COL19A1: variants seen among roughly 807,000 people sequenced by gnomAD.
COL19A1 encodes the protein collagen type XIX alpha 1 chain.
In COL19A1, 159 loss-of-function variants were observed where a neutral mutation model predicts 190.2. The ratio of observed to expected loss-of-function variants is 0.84; its 90% confidence interval spans 0.73 to 0.95. The LOEUF is 0.95. Among genes scored for constraint, COL19A1 ranks in the 40% least tolerant of loss-of-function variants. The probability of loss-of-function intolerance (pLI) is 0.00; values close to 1 mark genes in which losing one functional copy is unlikely to be tolerated. For missense variants in COL19A1, 1,418 were observed against 1,431.9 expected (o/e 0.99, Z 0.16); for synonymous variants, 509 against 458.9 (o/e 1.11, Z -1.39).
intron 11 of COL19A1, among the ~76,000 whole-genome samples, chr6:69,994,455 T>C (rs1282715308): frequency 6.6e-6 from 1 of 152,148 alleles, no homozygotes; most frequent in African/African-American, 2.4e-5. Flanking sequence ...CCTATGACGC[T>C]TGTGGAGAAT....
At chr6:70,172,424 G>A (rs908778904) in intron 41 of COL19A1, among the ~76,000 whole-genome samples, 3 of 152,056 alleles carry the variant, frequency 2.0e-5, no homozygotes, top group Non-Finnish European at 4.4e-5. Context: ...TGTATCCAAA[G>A]AGACCAGGGG....
intron 2 of COL19A1, among the ~76,000 whole-genome samples, chr6:69,885,754 T>A (rs1341223163): frequency 6.6e-6 from 1 of 152,256 alleles, no homozygotes; most frequent in Non-Finnish European, 1.5e-5. Flanking sequence ...CTGGCTTATT[T>A]TACTTAGCAT....
chr6:69,929,504 T>A lies in COL19A1; in HGVS notation c.470T>A (p.Ile157Asn). The A allele has an allele frequency of 6.2e-7, 1 of 1,614,070 alleles. No individual in the cohort carries two copies. The highest frequency in any genetic ancestry group is 1.1e-5 in the South Asian group (1 of 91,090). ...QATEGDVLNY[I>N]FRNRELRPLF... ...ACAGAGGGAGATGTGTTGAACTACA[T>A]TTTTAGAAATCGAGAACTCCGTCCT... is the stretch of plus-strand genomic sequence containing the variant. Residue 157 changes from isoleucine to asparagine, a missense_variant, in exon 6 of 51, where the codon ATT (isoleucine) becomes AAT (asparagine). Physicochemically the swap from Ile to Asn is moderately radical, Grantham distance 149. Coordinates refer to ENST00000620364, the MANE Select transcript of COL19A1 (RefSeq NM_001858.6).
At chr6:70,142,724 T>TC (rs1339217895) in intron 22 of COL19A1, 43 bp from the exon 23 acceptor site, 3 of 1,556,680 alleles carry the variant, frequency 1.9e-6, no homozygotes, top group African/African-American at 2.8e-5. Context: ...TCTTTTTTTT[T>TC]CTTTTTTAGC....
At chr6:69,977,958 C>A (rs1050000402) in intron 11 of COL19A1, among the ~76,000 whole-genome samples, 1 of 152,082 alleles carries the variant, frequency 6.6e-6, no homozygotes, top group Non-Finnish European at 1.5e-5. Flanking sequence ...AAAAATTTTA[C>A]TGATCTAAAT....
At chr6:70,036,358 G>A (rs753279064) in intron 14 of COL19A1, among the ~76,000 whole-genome samples, 95 of 152,174 alleles carry the variant, frequency 6.2e-4, no homozygotes, top group Non-Finnish European at 9.7e-4. Context: ...TATTTAAACT[G>A]GTAATTACAT....
In COL19A1 at chr6:70,023,625, A is replaced by C; in HGVS notation, c.1027-2A>C. The C allele has an allele frequency of 6.2e-7, 1 of 1,606,392 alleles. No individual in the cohort carries two copies. Among genetic ancestry groups the C allele is most frequent in the South Asian group, 1.1e-5 (1 of 89,376 alleles). On this transcript the variant is annotated splice_acceptor_variant, in intron 11 of 50. Transcript: ENST00000620364. LOFTEE classifies it high-confidence loss of function. The stretch of plus-strand genomic sequence containing the variant: ...TTCATTGTATAAATTGTTTCTTTTT[A>C]GGGTGAACAAGGAGAAAAAGGAGAT...
chr6:70,033,750 T>C (rs1779197546), intron 12 of COL19A1, among the ~76,000 whole-genome samples: 1 of 152,180 alleles, frequency 6.6e-6, no homozygotes, highest in Admixed American at 6.6e-5. Context: ...AGAGATTACA[T>C]TTTAGCTCCA....
chr6:69,903,516 A>G (rs947549091), intron 4 of COL19A1, among the ~76,000 whole-genome samples: 7 of 152,156 alleles, frequency 4.6e-5, no homozygotes, highest in African/African-American at 7.2e-5. Context: ...CATGATGACT[A>G]TATCCCAATC....
chr6:70,063,037 C>G (rs1481159930), intron 14 of COL19A1, among the ~76,000 whole-genome samples: 1 of 152,156 alleles, frequency 6.6e-6, no homozygotes, highest in Non-Finnish European at 1.5e-5. Context: ...TAATGGGAGA[C>G]TTTAACACCC....
In COL19A1 at chr6:70,209,350, A is replaced by G. The variant is rs997873150; in HGVS notation, c.*2076A>G. The G allele has an allele frequency of 3.9e-5, 6 of 152,458 alleles. No individual in the cohort carries two copies. The highest frequency in any genetic ancestry group is 1.2e-4 in the African/African-American group (5 of 41,466). The allele number at this position is 152,458 out of a possible 1,614,324, so 9.4% of individuals were successfully genotyped here. ...TATCTTTTTGCCTGTTTGCTAATTTAAAAATATTTATTTTATCATTTTAAT... is the reference window on the plus strand; with the variant it reads ...TATCTTTTTGCCTGTTTGCTAATTTGAAAATATTTATTTTATCATTTTAAT... On this transcript the variant is annotated 3_prime_UTR_variant, in exon 51 of 51. Transcript: ENST00000620364.
chr6:70,079,496 A>G (rs577794376), intron 15 of COL19A1, among the ~76,000 whole-genome samples: 1 of 152,272 alleles, frequency 6.6e-6, no homozygotes, highest in East Asian at 1.9e-4. Context: ...GAACCTTGAA[A>G]TTTGGGTAAA....
chr6:70,102,904 A>G (rs748105868), intron 16 of COL19A1, among the ~76,000 whole-genome samples: 4 of 152,152 alleles, frequency 2.6e-5, no homozygotes, highest in Non-Finnish European at 5.9e-5. Flanking sequence ...ACAGAAATGT[A>G]TACTATTGAC....
intron 35 of COL19A1, 59 bp from the exon 36 acceptor site, chr6:70,163,284 A>G (rs1787922942): frequency 2.0e-6 from 3 of 1,508,356 alleles, no homozygotes; most frequent in Admixed American, 3.5e-5. Context: ...ACCAACTTCC[A>G]ATACCCTTTG....
chr6:69,994,932 AG>A, intron 11 of COL19A1, among the ~76,000 whole-genome samples: 1 of 152,242 alleles, frequency 6.6e-6, no homozygotes, highest in African/African-American at 2.4e-5. Flanking sequence ...ACATCACCTT[AG>A]GCCTGGCTTC....
At position 70,050,772 on chromosome 6, in the gene COL19A1, C is replaced by T. The variant is rs970770371; in HGVS notation, c.1170+14833C>T. On this transcript the variant is annotated intron_variant, in intron 14 of 50. Coordinates refer to ENST00000620364, the MANE Select transcript of COL19A1 (RefSeq NM_001858.6). ...AACAATATTAATGTCACTTACTACCCCTGATTATTTTTGATCAATTTGAAA... is the reference window on the plus strand; with the variant it reads ...AACAATATTAATGTCACTTACTACCTCTGATTATTTTTGATCAATTTGAAA... Among the ~76,000 whole-genome samples, 7 of 152,136 alleles carry T rather than the reference C, an allele frequency of 4.6e-5. No individual in the cohort carries two copies. In the East Asian group the frequency reaches 1.2e-3, roughly 25 times the overall value.
chr6:70,023,219 C>T (rs890106756), intron 11 of COL19A1, among the ~76,000 whole-genome samples: 2 of 151,296 alleles, frequency 1.3e-5, no homozygotes, highest in African/African-American at 2.4e-5. Context: ...CTGCAACCTC[C>T]GCCTCCCAGG....
intron 16 of COL19A1, among the ~76,000 whole-genome samples, chr6:70,119,706 G>A (rs1784773236): frequency 6.6e-6 from 1 of 152,150 alleles, no homozygotes. Flanking sequence ...CTTTGAATCA[G>A]AGAGAATGAT....
intron 11 of COL19A1, among the ~76,000 whole-genome samples, chr6:70,007,521 G>A (rs1317775253): frequency 6.6e-6 from 1 of 151,924 alleles, no homozygotes; most frequent in Non-Finnish European, 1.5e-5. Flanking sequence ...CAATATAGCA[G>A]GAAGATATAG....
Sources: allele counts gnomAD v4.1 joint callset (sites outside exome capture counted in the v4.1 genomes callset), GRCh38; gene constraint gnomAD v4.1.1; transcripts MANE v1.5; gene names NCBI Gene and HGNC (gene_info 2026-07-23, HGNC 2026-07-21).